Variants in DPYSL2 observed in about 807,000 individuals in gnomAD.
DPYSL2 encodes the protein dihydropyrimidinase-related protein 2.
Under a neutral mutation model 69.9 loss-of-function variants are expected in DPYSL2, and 13 were observed. That is an observed-to-expected ratio of 0.19 (90% CI 0.12 to 0.30). The LOEUF (loss-of-function observed/expected upper bound fraction) is 0.30, where lower values mean the gene tolerates loss of function less well. Ranked by LOEUF, DPYSL2 falls within the 10% of genes least tolerant of loss-of-function variation. DPYSL2 has a pLI of 1.00. For synonymous variants in DPYSL2, 326 were observed against 359.1 expected (o/e 0.91, Z 1.04); for missense variants, 587 against 918.9 (o/e 0.64, Z 4.67).
chr8:26,534,114 A>G (rs1800554495), intron 1 of DPYSL2, among the ~76,000 whole-genome samples: 2 of 152,222 alleles, frequency 1.3e-5, no homozygotes, highest in African/African-American at 4.8e-5. Flanking sequence ...ATTAGTGACA[A>G]CTAGTGGGTG....
Position 26,626,618 on chromosome 8 carries a change from G to A in DPYSL2, c.795G>A (p.Gly265=). ...ACTTCTCTATTTTGTCCGCACTAGGGGTAAATTCCTTCCTCGTGTACATGG... is the reference window on the plus strand; with the variant it reads ...ACTTCTCTATTTTGTCCGCACTAGGAGTAAATTCCTTCCTCGTGTACATGG... ...EEMEALVKDH[G]VNSFLVYMAF... The change falls in exon 5 of 14, where the codon GGG becomes GGA. Residue 265 remains glycine (G), a splice_region_variant and synonymous_variant. Coordinates refer to ENST00000521913, the MANE Select transcript of DPYSL2 (RefSeq NM_001197293.3). The surrounding 1 kb of genome is among the most constrained non-coding windows in gnomAD (Gnocchi z 4.3). 2 of 1,613,912 alleles carry A rather than the reference G, an allele frequency of 1.2e-6. No homozygotes were observed.
intron 1 of DPYSL2, among the ~76,000 whole-genome samples, chr8:26,526,929 AT>A (rs1808488034): frequency 6.6e-6 from 1 of 152,248 alleles, no homozygotes; most frequent in Non-Finnish European, 1.5e-5. Flanking sequence ...AGTGGGGACA[AT>A]CCTATGACTG....
chr8:26,589,499 C>T (rs1194446662), intron 3 of DPYSL2, among the ~76,000 whole-genome samples: 1 of 152,234 alleles, frequency 6.6e-6, no homozygotes, highest in Non-Finnish European at 1.5e-5. Context: ...ACTTGATATC[C>T]TGCTTCCTCT....
In DPYSL2 at chr8:26,592,718, C is replaced by T. The variant is rs547728394; in HGVS notation, c.628+8735C>T. 2.5e-4 allele frequency among the ~76,000 whole-genome samples: 38 copies of T among 152,048 alleles called. No individual in the cohort carries two copies. The South Asian group carries it at 2.9e-3, about 12-fold the overall frequency. ...TCACGAACTCCTGACCTCAGGTGAT[C>T]CACCCGCCTCGGCCTCCCAAAGTGC... On this transcript the variant is annotated intron_variant, in intron 3 of 13. Transcript: ENST00000521913.
At position 26,648,741 on chromosome 8, in the gene DPYSL2, C is replaced by T. The variant is rs1043926072; in HGVS notation, c.1596+941C>T. Among the ~76,000 whole-genome samples, 4 of 152,244 alleles carry T rather than the reference C, an allele frequency of 2.6e-5. No individual in the cohort carries two copies. Among genetic ancestry groups the T allele is most frequent in the Non-Finnish European group, 4.4e-5 (3 of 68,040 alleles). On this transcript the variant is annotated intron_variant, in intron 11 of 13. Transcript: ENST00000521913. This position sits in a 1 kb window ranked among gnomAD's most constrained non-coding sequence, Gnocchi z 4.3. Reference sequence around the variant, plus strand: ...AGCTTAGGGCAGGTTTCTGGCATTTCTCCGGGACAACCCTGGGACTTTGCC... The same window carrying T: ...AGCTTAGGGCAGGTTTCTGGCATTTTTCCGGGACAACCCTGGGACTTTGCC...
intron 1 of DPYSL2, among the ~76,000 whole-genome samples, chr8:26,524,688 G>C (rs1808446630): frequency 6.6e-6 from 1 of 151,300 alleles, no homozygotes; most frequent in South Asian, 2.1e-4. Context: ...TGTAATACCA[G>C]CTACTTGGGA....
Position 26,647,810 on chromosome 8 carries a change from G to A in DPYSL2, c.1596+10G>A, listed in dbSNP as rs761717325. 1 of 1,609,400 alleles carries A rather than the reference G, an allele frequency of 6.2e-7. No individual in the cohort carries two copies. The highest frequency in any genetic ancestry group is 8.5e-7 in the Non-Finnish European group (1 of 1,177,568). ...CAAGACACACAACAGCGTAAGACCT[G>A]TTAACTGTGCAGACCCCATCCAAAC... On this transcript the variant is annotated intron_variant, in intron 11 of 13. Transcript: ENST00000521913. The surrounding 1 kb of genome is among the most constrained non-coding windows in gnomAD (Gnocchi z 5.1).
At chr8:26,523,367 A>G (rs546268194) in intron 1 of DPYSL2, among the ~76,000 whole-genome samples, 2 of 152,148 alleles carry the variant, frequency 1.3e-5, no homozygotes, top group Admixed American at 1.3e-4. Flanking sequence ...TTGAGTGTAC[A>G]GTTCAGTGAC....
chr8:26,578,964 C>T (rs965289712), intron 1 of DPYSL2, among the ~76,000 whole-genome samples: 2 of 152,208 alleles, frequency 1.3e-5, no homozygotes, highest in Admixed American at 6.5e-5. Context: ...TGCCCCCCCC[C>T]CGGTTTTCTC....
intron 1 of DPYSL2, among the ~76,000 whole-genome samples, chr8:26,563,432 A>T (rs926145552): frequency 6.6e-6 from 1 of 152,216 alleles, no homozygotes; most frequent in African/African-American, 2.4e-5. Flanking sequence ...AAGCCCCAAT[A>T]TCTTTTTCCA....
rs1282831170 is a variant in DPYSL2 at position 26,597,808 on chromosome 8, CAAG to C, written c.628+13826_628+13828del. Among the ~76,000 whole-genome samples, 10 of 139,062 alleles carry C rather than the reference CAAG, an allele frequency of 7.2e-5. No homozygotes were observed. Among genetic ancestry groups the C allele is most frequent in the East Asian group, 2.2e-4 (1 of 4,618 alleles). 91.2% of individuals were successfully genotyped at this position (139,062 alleles called of 152,430 possible). ...TTTTTTTTTTTTTGAGGGGCAGAGA[CAAG>C]GAGGAAGATCAGACAATTTCTCAGA... On this transcript the variant is annotated intron_variant, in intron 3 of 13. Coordinates refer to ENST00000521913, the MANE Select transcript of DPYSL2 (RefSeq NM_001197293.3). The surrounding 1 kb of genome is among the most constrained non-coding windows in gnomAD (Gnocchi z 5.2).
intron 3 of DPYSL2, among the ~76,000 whole-genome samples, chr8:26,622,095 TTCCTTCCTTCC>T (rs1563413244): frequency 1.2e-3 from 26 of 20,974 alleles, no homozygotes; most frequent in South Asian, 1.6e-3. Context: ...CTTTCTTTCC[TTCCTTCCTTCC>T]TTCCTTCCTT....
intron 3 of DPYSL2, among the ~76,000 whole-genome samples, chr8:26,604,378 A>T (rs1802061477): frequency 6.6e-6 from 1 of 152,198 alleles, no homozygotes; most frequent in Admixed American, 6.5e-5. Flanking sequence ...GCCAATGAGT[A>T]TTCTGCCAGG....
In DPYSL2 at chr8:26,551,193, GCTAT is replaced by G. The variant is rs1175653007; in HGVS notation, c.355-30773_355-30770del. 6.6e-5 allele frequency among the ~76,000 whole-genome samples: 10 copies of G among 152,322 alleles called. No homozygotes were observed. The East Asian group carries it at 1.9e-3, about 29-fold the overall frequency. Reference sequence around the variant, plus strand: ...GCTGAGAATAATTGATCCTTTACCAGCTATCTGAGTATCTTTTAATCCAGTCAAG... The same window carrying G: ...GCTGAGAATAATTGATCCTTTACCAGCTGAGTATCTTTTAATCCAGTCAAG... On this transcript the variant is annotated intron_variant, in intron 1 of 13. Coordinates refer to ENST00000521913, the MANE Select transcript of DPYSL2 (RefSeq NM_001197293.3).
intron 8 of DPYSL2, among the ~76,000 whole-genome samples, chr8:26,636,729 G>T (rs1351227865): frequency 1.3e-5 from 2 of 151,682 alleles, no homozygotes; most frequent in Non-Finnish European, 2.9e-5. Context: ...CCCCGTTGTT[G>T]TTTTTTTTAA....
At chr8:26,522,565 A>T (rs1257870521) in intron 1 of DPYSL2, among the ~76,000 whole-genome samples, 1 of 152,152 alleles carries the variant, frequency 6.6e-6, no homozygotes, top group Non-Finnish European at 1.5e-5. Flanking sequence ...TTGGTATCTC[A>T]TTGAGGCTTT....
intron 1 of DPYSL2, among the ~76,000 whole-genome samples, chr8:26,541,027 T>C (rs1409925212): frequency 6.6e-6 from 1 of 152,072 alleles, no homozygotes; most frequent in Non-Finnish European, 1.5e-5. Flanking sequence ...TAAGTCCAGA[T>C]AAACCCATCA....
rs113086435 is a variant in DPYSL2 at position 26,571,806 on chromosome 8, A to G, written c.355-10163A>G. Among the ~76,000 whole-genome samples, 1 of 152,150 alleles carries G rather than the reference A, an allele frequency of 6.6e-6. No homozygotes were observed. The highest frequency in any genetic ancestry group is 2.4e-5 in the African/African-American group (1 of 41,436). ...ATTTGTCACCACTGTCACTGCTGCT[A>G]AAAGGATGCAGCCACAGGGGAAGGC... On this transcript the variant is annotated intron_variant, in intron 1 of 13. Coordinates refer to ENST00000521913, the MANE Select transcript of DPYSL2 (RefSeq NM_001197293.3). This position sits in a 1 kb window ranked among gnomAD's most constrained non-coding sequence, Gnocchi z 6.1.
At chr8:26,615,255 C>G (rs967901410) in intron 3 of DPYSL2, among the ~76,000 whole-genome samples, 57 of 152,320 alleles carry the variant, frequency 3.7e-4, no homozygotes, top group African/African-American at 1.4e-3. Flanking sequence ...AGAGTCGTAC[C>G]AGACACATAG....
Sources: allele counts gnomAD v4.1 joint callset (sites outside exome capture counted in the v4.1 genomes callset), GRCh38; gene constraint gnomAD v4.1.1; non-coding constraint Gnocchi (gnomAD v3.1); transcripts MANE v1.5; gene names NCBI Gene and HGNC (gene_info 2026-07-23, HGNC 2026-07-21).